Variants in SMURF2 observed in about 807,000 individuals in gnomAD.
SMURF2 encodes SMAD specific E3 ubiquitin protein ligase 2.
A neutral mutation model predicts 109.6 loss-of-function variants in SMURF2; 48 were observed. That is an observed-to-expected ratio of 0.44 (90% CI 0.35 to 0.56). The LOEUF is 0.56. Ranked by LOEUF, SMURF2 falls within the 20% of genes least tolerant of loss-of-function variation. SMURF2 has a pLI of 0.01. For missense variants in SMURF2, 575 were observed against 909.0 expected (o/e 0.63, Z 4.72); for synonymous variants, 288 against 317.1 (o/e 0.91, Z 0.97).
chr17:64,552,532 A>G (rs188964364), intron 15 of SMURF2, among the ~76,000 whole-genome samples: 4 of 152,162 alleles, frequency 2.6e-5, no homozygotes, highest in African/African-American at 9.7e-5. Context: ...GTGTAACTGT[A>G]AAAGTTTTTC....
chr17:64,602,080 G>GA (rs1286781770), intron 2 of SMURF2, among the ~76,000 whole-genome samples: 1 of 151,904 alleles, frequency 6.6e-6, no homozygotes, highest in African/African-American at 2.4e-5. Flanking sequence ...CTCAAGAATG[G>GA]AAAACCTAAC....
At chr17:64,630,966 C>A (rs901501990) in intron 1 of SMURF2, among the ~76,000 whole-genome samples, 1 of 151,788 alleles carries the variant, frequency 6.6e-6, no homozygotes, top group African/African-American at 2.4e-5. Context: ...TCCCTAAGAG[C>A]AGCTTCATAA....
rs868978267 is a variant in SMURF2 at position 64,634,024 on chromosome 17, C to T, written c.53-27384G>A. Among the ~76,000 whole-genome samples, 12 of 152,082 alleles carry T rather than the reference C, an allele frequency of 7.9e-5. No homozygotes were observed. The South Asian group carries it at 1.0e-3, about 13-fold the overall frequency. ...CAAAAATTAGCCAGGTGTGGTGGTG[C>T]GCGCCTGTAATCCCAGCTACTTGGG... On this transcript the variant is annotated intron_variant, in intron 1 of 18. Transcript: ENST00000262435.
intron 5 of SMURF2, among the ~76,000 whole-genome samples, chr17:64,588,354 C>G (rs1479336085): frequency 6.6e-6 from 1 of 151,776 alleles, no homozygotes; most frequent in Admixed American, 6.6e-5. Context: ...AAAAAGAATA[C>G]AGCAAAGTGT....
At chr17:64,601,344 A>G (rs1418428577) in intron 2 of SMURF2, among the ~76,000 whole-genome samples, 2 of 152,206 alleles carry the variant, frequency 1.3e-5, no homozygotes, top group Non-Finnish European at 2.9e-5. Flanking sequence ...CAAATCAGCA[A>G]GAAAAAATCA....
At chr17:64,615,758 A>G (rs2144688619) in intron 1 of SMURF2, among the ~76,000 whole-genome samples, 1 of 152,376 alleles carries the variant, frequency 6.6e-6, no homozygotes, top group Admixed American at 6.5e-5. Flanking sequence ...AGTAAATGAT[A>G]GCAAACAGCA....
chr17:64,613,024 G>A (rs1003397924), intron 1 of SMURF2, among the ~76,000 whole-genome samples: 2 of 152,088 alleles, frequency 1.3e-5, no homozygotes, highest in Non-Finnish European at 2.9e-5. Flanking sequence ...TTTCTGCCCT[G>A]GAAGCAAAAA....
At chr17:64,599,436 G>A (rs1433226456) in intron 2 of SMURF2, among the ~76,000 whole-genome samples, 3 of 152,210 alleles carry the variant, frequency 2.0e-5, no homozygotes, top group African/African-American at 4.8e-5. Context: ...GAACAGTAAA[G>A]AAAGGGCTTT....
intron 1 of SMURF2, among the ~76,000 whole-genome samples, chr17:64,653,280 A>T (rs1970662528): frequency 6.6e-6 from 1 of 152,174 alleles, no homozygotes; most frequent in African/African-American, 2.4e-5. Context: ...ACAATAAATA[A>T]GTCCATTAAA....
At chr17:64,634,366 G>A (rs1392160198) in intron 1 of SMURF2, among the ~76,000 whole-genome samples, 1 of 152,124 alleles carries the variant, frequency 6.6e-6, no homozygotes, top group Non-Finnish European at 1.5e-5. Context: ...TTTTTGTGAG[G>A]TTGGGTAAGA....
intron 12 of SMURF2, among the ~76,000 whole-genome samples, chr17:64,558,384 G>A (rs1969155602): frequency 6.6e-6 from 1 of 151,110 alleles, no homozygotes; most frequent in Admixed American, 6.6e-5. Flanking sequence ...GGGTGACAGA[G>A]ACCCTGTCTC....
chr17:64,591,829 G>C (rs1225266445), intron 4 of SMURF2, among the ~76,000 whole-genome samples: 1 of 152,172 alleles, frequency 6.6e-6, no homozygotes, highest in African/African-American at 2.4e-5. Flanking sequence ...AAATGGAGGA[G>C]ACCATATCTT....
chr17:64,633,975 G>A (rs958683273), intron 1 of SMURF2, among the ~76,000 whole-genome samples: 72 of 152,210 alleles, frequency 4.7e-4, no homozygotes, highest in African/African-American at 1.6e-3. Flanking sequence ...TGGCCAACAT[G>A]GCGAAACTGT....
chr17:64,548,405 T>A (rs961864209), intron 16 of SMURF2, among the ~76,000 whole-genome samples: 9 of 152,108 alleles, frequency 5.9e-5, no homozygotes, highest in African/African-American at 1.7e-4. Flanking sequence ...TTTTTTTTTT[T>A]AAGACAGAAT....
At chr17:64,624,634 C>A (rs1255133377) in intron 1 of SMURF2, among the ~76,000 whole-genome samples, 6 of 152,034 alleles carry the variant, frequency 3.9e-5, no homozygotes, top group African/African-American at 1.4e-4. Flanking sequence ...CCAGCCTGGG[C>A]AACATGGTGA....
chr17:64,620,807 T>C (rs537324815), intron 1 of SMURF2, among the ~76,000 whole-genome samples: 1 of 152,324 alleles, frequency 6.6e-6, no homozygotes, highest in East Asian at 1.9e-4. Flanking sequence ...AAACATAATA[T>C]GCAAATACTT....
chr17:64,647,679 TAA>T (rs782754711), intron 1 of SMURF2, among the ~76,000 whole-genome samples: 132 of 121,524 alleles, frequency 1.1e-3, no homozygotes, highest in Non-Finnish European at 1.4e-3. Context: ...AGACTCTGTC[TAA>T]AAAAAAAAAA....
intron 1 of SMURF2, among the ~76,000 whole-genome samples, chr17:64,633,439 A>G (rs1029861457): frequency 2.0e-5 from 3 of 152,252 alleles, no homozygotes; most frequent in Non-Finnish European, 4.4e-5. Flanking sequence ...TAAACCCTCC[A>G]TACCCACACC....
At chr17:64,573,334 GATAATT>G (rs1969443135) in intron 9 of SMURF2, among the ~76,000 whole-genome samples, 1 of 150,984 alleles carries the variant, frequency 6.6e-6, no homozygotes, top group African/African-American at 2.4e-5. Flanking sequence ...AATTGTAACA[GATAATT>G]ATAAGTAATC....
Sources: allele counts gnomAD v4.1 joint callset (sites outside exome capture counted in the v4.1 genomes callset), GRCh38; gene constraint gnomAD v4.1.1; transcripts MANE v1.5; gene names NCBI Gene and HGNC (gene_info 2026-07-23, HGNC 2026-07-21).